ROBO2: variants seen among roughly 807,000 people sequenced by gnomAD.
ROBO2 encodes the protein roundabout homolog 2.
Under a neutral mutation model 160.8 loss-of-function variants are expected in ROBO2, and 53 were observed. The observed-to-expected ratio is 0.33, with a 90% CI of 0.26 to 0.41. The LOEUF is 0.41. ROBO2 is among the 10% of genes least tolerant of loss of function. The pLI is 1.00. For synonymous variants in ROBO2, 664 were observed against 611.7 expected, an observed-to-expected ratio of 1.09 and a Z score of -1.26; for missense variants, 1,577 against 1,722.4, an observed-to-expected ratio of 0.92 and a Z score of 1.49.
At chr3:76,300,892 G>A (rs926796003) in intron 2 of ROBO2, among the ~76,000 whole-genome samples, 1 of 151,986 alleles carries the variant, frequency 6.6e-6, no homozygotes, top group South Asian at 2.1e-4. Context: ...CAGGACAAAT[G>A]AACTATAGAA....
intron 2 of ROBO2, among the ~76,000 whole-genome samples, chr3:77,266,427 G>T (rs999170461): frequency 2.0e-5 from 3 of 151,792 alleles, no homozygotes; most frequent in Non-Finnish European, 4.4e-5. Context: ...CTCTCTATTT[G>T]TGCACCACAA....
intron 2 of ROBO2, among the ~76,000 whole-genome samples, chr3:76,428,793 A>AT (rs1167846165): frequency 3.3e-5 from 5 of 152,320 alleles, no homozygotes; most frequent in Middle Eastern, 3.4e-3. Flanking sequence ...CGCGAAAGTG[A>AT]TAACACGAGA....
intron 2 of ROBO2, among the ~76,000 whole-genome samples, chr3:76,670,634 G>T (rs2110168377): frequency 6.6e-6 from 1 of 152,062 alleles, no homozygotes; most frequent in Non-Finnish European, 1.5e-5. Flanking sequence ...GACTATCTCT[G>T]TCTTGCTCAC....
chr3:76,220,690 T>C (rs1272757412), intron 2 of ROBO2, among the ~76,000 whole-genome samples: 1 of 151,958 alleles, frequency 6.6e-6, no homozygotes, highest in Non-Finnish European at 1.5e-5. Context: ...TCTCCTGATA[T>C]CCAGAACATA....
intron 2 of ROBO2, among the ~76,000 whole-genome samples, chr3:76,587,447 T>C (rs996194821): frequency 6.6e-6 from 1 of 152,092 alleles, no homozygotes; most frequent in Non-Finnish European, 1.5e-5. Flanking sequence ...AAACTTACAA[T>C]TGTGGTGGAG....
At chr3:77,014,366 C>T (rs2062102328) in intron 2 of ROBO2, among the ~76,000 whole-genome samples, 1 of 152,186 alleles carries the variant, frequency 6.6e-6, no homozygotes, top group African/African-American at 2.4e-5. Flanking sequence ...TGATTAAGCT[C>T]ACAACAACAG....
intron 2 of ROBO2, among the ~76,000 whole-genome samples, chr3:76,111,384 A>T (rs951929565): frequency 6.6e-6 from 1 of 151,974 alleles, no homozygotes; most frequent in Non-Finnish European, 1.5e-5. Flanking sequence ...TGATACAATG[A>T]TATTGAGCTT....
At chr3:76,358,072 A>C (rs1329106604) in intron 2 of ROBO2, among the ~76,000 whole-genome samples, 1 of 151,904 alleles carries the variant, frequency 6.6e-6, no homozygotes, top group Non-Finnish European at 1.5e-5. Flanking sequence ...TTAAGATACA[A>C]TACTCTAAGT....
At chr3:76,605,402 T>C (rs2087568359) in intron 2 of ROBO2, among the ~76,000 whole-genome samples, 1 of 152,002 alleles carries the variant, frequency 6.6e-6, no homozygotes, top group Admixed American at 6.6e-5. Flanking sequence ...AAAAAGGTAA[T>C]TGGAATCACT....
chr3:77,350,854 G>T (rs11127588), intron 2 of ROBO2, among the ~76,000 whole-genome samples: 77,186 of 151,942 alleles, frequency 0.51, 20,388 homozygotes, highest in Non-Finnish European at 0.59. Flanking sequence ...CTCAGTCTTT[G>T]GTTGTCTCTC....
At position 76,330,290 on chromosome 3, in the gene ROBO2, T is replaced by C. The variant is rs2073383720; in HGVS notation, c.109+392688T>C. Among the ~76,000 whole-genome samples the C allele has an allele frequency of 1.3e-5, 2 of 152,234 alleles. 1 individual carries two copies. Among genetic ancestry groups the C allele is most frequent in the South Asian group, 4.1e-4 (2 of 4,838 alleles). On this transcript the variant is annotated intron_variant, in intron 2 of 26. Transcript: ENST00000487694. Reference sequence around the variant, plus strand: ...TAACTAATCAAAGTGGCAGAAGGATTAAATGGTATTCTTTGATTTCAGAAG... The same window carrying C: ...TAACTAATCAAAGTGGCAGAAGGATCAAATGGTATTCTTTGATTTCAGAAG...
intron 2 of ROBO2, among the ~76,000 whole-genome samples, chr3:76,205,228 T>C (rs1028661356): frequency 2.0e-5 from 3 of 152,214 alleles, no homozygotes; most frequent in African/African-American, 7.2e-5. Context: ...TTCCCAGCTC[T>C]GCTGTTGTTA....
At chr3:76,228,773 A>C (rs1334778058) in intron 2 of ROBO2, among the ~76,000 whole-genome samples, 2 of 152,238 alleles carry the variant, frequency 1.3e-5, no homozygotes, top group African/African-American at 4.8e-5. Flanking sequence ...CTTCTCAACA[A>C]AATAAATCAC....
chr3:76,739,162 TATAAAGACACACGCACAC>T (rs2093760936), intron 2 of ROBO2, among the ~76,000 whole-genome samples: 1 of 152,164 alleles, frequency 6.6e-6, no homozygotes, highest in Admixed American at 6.5e-5. Flanking sequence ...ATCATGCTGC[TATAAAGACACACGCACAC>T]ATATGTTTAT....
chr3:77,114,808 A>C (rs1426116596), intron 2 of ROBO2, among the ~76,000 whole-genome samples: 1 of 152,178 alleles, frequency 6.6e-6, no homozygotes, highest in African/African-American at 2.4e-5. Flanking sequence ...TTTGACTTAC[A>C]CCTTGTATAT....
At chr3:76,706,677 ATTCTTATT>A (rs1016990616) in intron 2 of ROBO2, among the ~76,000 whole-genome samples, 3 of 152,154 alleles carry the variant, frequency 2.0e-5, no homozygotes, top group Middle Eastern at 3.2e-3. Context: ...TGGCAATTTT[ATTCTTATT>A]TGGAAACATT....
intron 2 of ROBO2, among the ~76,000 whole-genome samples, chr3:75,966,961 C>T (rs1949138180): frequency 6.6e-6 from 1 of 151,646 alleles, no homozygotes; most frequent in Non-Finnish European, 1.5e-5. Context: ...TATCAACACA[C>T]TGCTACACAT....
chr3:77,380,707 T>C (rs1249543403), intron 2 of ROBO2, among the ~76,000 whole-genome samples: 2 of 141,136 alleles, frequency 1.4e-5, no homozygotes, highest in South Asian at 2.6e-4. Context: ...TTCCCTCCCT[T>C]CCTTCCTTCC....
chr3:76,263,701 C>T (rs965313205), intron 2 of ROBO2, among the ~76,000 whole-genome samples: 2 of 152,148 alleles, frequency 1.3e-5, no homozygotes, highest in Non-Finnish European at 2.9e-5. Context: ...AGCACTGACC[C>T]AGCCATCCCA....
Sources: allele counts gnomAD v4.1 joint callset (sites outside exome capture counted in the v4.1 genomes callset), GRCh38; gene constraint gnomAD v4.1.1; transcripts MANE v1.5; gene names NCBI Gene and HGNC (gene_info 2026-07-23, HGNC 2026-07-21).